MTHFD1L: variants seen among roughly 807,000 people sequenced by gnomAD.
MTHFD1L encodes the protein monofunctional C1-tetrahydrofolate synthase, mitochondrial.
MTHFD1L carries 81 observed loss-of-function variants against 119.5 expected under a neutral mutation model. That is an observed-to-expected ratio of 0.68 (90% CI 0.57 to 0.82). MTHFD1L has a LOEUF of 0.82. Among genes scored for constraint, MTHFD1L ranks in the 40% least tolerant of loss-of-function variants. MTHFD1L has a pLI of 0.00. For synonymous variants in MTHFD1L, 430 were observed against 475.2 expected, an observed-to-expected ratio of 0.90 and a Z score of 1.24; for missense variants, 1,125 against 1,253.4, an observed-to-expected ratio of 0.90 and a Z score of 1.55.
At position 150,926,212 on chromosome 6, in the gene MTHFD1L, T is replaced by G; in HGVS notation, c.1173T>G (p.Tyr391Ter). 1.2e-6 allele frequency: 2 copies of G among 1,614,104 alleles called. No homozygotes were observed. The highest frequency in any genetic ancestry group is 1.7e-6 in the Non-Finnish European group (2 of 1,180,012). Residue 391 changes from tyrosine to a stop codon, truncating the protein, a stop_gained, in exon 11 of 28, where the codon TAT becomes TAG. Transcript: ENST00000367321. LOFTEE classifies it high-confidence loss of function. This position sits in a 1 kb window ranked among gnomAD's most constrained non-coding sequence, Gnocchi z 4.3. ...TGCTTGCAGATGAAATTGAAATCTA[T>G]GGCAAAAGCAAAGCCAAAGTACGTT... ...IGLLADEIEI[Y>*]GKSKAKVRLS... is the part of the protein sequence containing the mutation.
chr6:151,014,793 G>A, intron 22 of MTHFD1L, 87 bp from the exon 23 acceptor site: 1 of 910,084 alleles, frequency 1.1e-6, no homozygotes. Flanking sequence ...AGCAAATCCT[G>A]CCAGAGAGGT....
At chr6:150,879,628 T>TG (rs964190134) in intron 4 of MTHFD1L, among the ~76,000 whole-genome samples, 3 of 146,768 alleles carry the variant, frequency 2.0e-5, no homozygotes, top group African/African-American at 7.6e-5. Context: ...ACTGGTGTTT[T>TG]TTTTTTTTTT....
chr6:150,903,974 C>T (rs891069251), intron 7 of MTHFD1L, among the ~76,000 whole-genome samples: 5 of 152,152 alleles, frequency 3.3e-5, no homozygotes, highest in Admixed American at 2.6e-4. Context: ...TTTTATCGTG[C>T]TCCTCCTCTG....
chr6:150,966,599 G>C (rs1384898099), intron 19 of MTHFD1L, among the ~76,000 whole-genome samples: 2 of 152,198 alleles, frequency 1.3e-5, no homozygotes, highest in Non-Finnish European at 2.9e-5. Flanking sequence ...AAGGCGGGCA[G>C]ATCCCTTGAG....
At chr6:151,011,426 A>G (rs976694308) in intron 21 of MTHFD1L, among the ~76,000 whole-genome samples, 13 of 152,144 alleles carry the variant, frequency 8.5e-5, no homozygotes, top group Admixed American at 3.3e-4. Flanking sequence ...GATCTCATTC[A>G]GTCTTTATAA....
At chr6:151,038,358 A>G (rs1381504083) in intron 26 of MTHFD1L, among the ~76,000 whole-genome samples, 1 of 152,074 alleles carries the variant, frequency 6.6e-6, no homozygotes, top group East Asian at 1.9e-4. Context: ...GCACCAAAGT[A>G]CTAATACATG....
chr6:150,893,788 C>T (rs1006388562), intron 7 of MTHFD1L, among the ~76,000 whole-genome samples: 6 of 152,168 alleles, frequency 3.9e-5, no homozygotes, highest in Non-Finnish European at 8.8e-5. Flanking sequence ...GTTTCCAGTC[C>T]GGCACAACAT....
At chr6:150,875,512 G>T (rs1780295954) in intron 1 of MTHFD1L, among the ~76,000 whole-genome samples, 1 of 152,064 alleles carries the variant, frequency 6.6e-6, no homozygotes, top group Non-Finnish European at 1.5e-5. Context: ...AGGAGGCTTT[G>T]ATAGTGTTAT....
At chr6:151,085,146 G>A (rs1793674230) in intron 26 of MTHFD1L, among the ~76,000 whole-genome samples, 1 of 151,304 alleles carries the variant, frequency 6.6e-6, no homozygotes, top group Admixed American at 6.6e-5. Context: ...GGTTACCTCT[G>A]GAAGCAGTAT....
intron 26 of MTHFD1L, among the ~76,000 whole-genome samples, chr6:151,060,083 A>G (rs1485165264): frequency 6.6e-6 from 1 of 152,232 alleles, no homozygotes; most frequent in Non-Finnish European, 1.5e-5. Flanking sequence ...TAACGTTTAC[A>G]TAGTAAATAA....
intron 11 of MTHFD1L, among the ~76,000 whole-genome samples, chr6:150,929,595 C>T (rs1199724007): frequency 6.6e-6 from 1 of 152,202 alleles, no homozygotes; most frequent in Non-Finnish European, 1.5e-5. Context: ...CAGCCTCATG[C>T]TGGAGAATGC....
At chr6:150,947,249 C>T (rs1045560758) in intron 15 of MTHFD1L, among the ~76,000 whole-genome samples, 1 of 150,622 alleles carries the variant, frequency 6.6e-6, no homozygotes, top group Non-Finnish European at 1.5e-5. Context: ...TGCCCACCAC[C>T]ATGCCAGCGA....
chr6:150,919,430 G>A (rs1245882367), intron 9 of MTHFD1L, among the ~76,000 whole-genome samples: 1 of 151,930 alleles, frequency 6.6e-6, no homozygotes, highest in African/African-American at 2.4e-5. Flanking sequence ...TCACCATGTC[G>A]GCCAGGCTGG....
At chr6:151,080,604 A>G (rs1170288751) in intron 26 of MTHFD1L, among the ~76,000 whole-genome samples, 1 of 152,234 alleles carries the variant, frequency 6.6e-6, no homozygotes, top group Admixed American at 6.5e-5. Flanking sequence ...GAAGAAAGGA[A>G]ATGTCCACAT....
chr6:150,888,010 TG>T (rs754177018), intron 7 of MTHFD1L, 29 bp downstream of exon 7: 2 of 1,577,612 alleles, frequency 1.3e-6, no homozygotes, highest in South Asian at 2.4e-5. Flanking sequence ...ACATACATCT[TG>T]AAGGCTTCTG....
chr6:150,896,837 G>A (rs1313481137), intron 7 of MTHFD1L, among the ~76,000 whole-genome samples: 3 of 152,036 alleles, frequency 2.0e-5, no homozygotes, highest in African/African-American at 7.2e-5. Flanking sequence ...TGGCGGGCGC[G>A]GTGGCTCACA....
intron 10 of MTHFD1L, among the ~76,000 whole-genome samples, chr6:150,925,039 A>G (rs1454650911): frequency 3.9e-5 from 6 of 152,076 alleles, no homozygotes. Context: ...AGGCCCCTAC[A>G]GGATCCTGGA....
intron 20 of MTHFD1L, among the ~76,000 whole-genome samples, chr6:150,999,026 C>A (rs1439912364): frequency 7.0e-6 from 1 of 143,186 alleles, no homozygotes; most frequent in East Asian, 2.0e-4. Flanking sequence ...ATAGTTTAGG[C>A]TATGTCTATA....
intron 11 of MTHFD1L, among the ~76,000 whole-genome samples, chr6:150,929,739 G>T (rs1365095574): frequency 1.3e-5 from 2 of 152,148 alleles, no homozygotes; most frequent in African/African-American, 2.4e-5. Context: ...AAATAGAAAA[G>T]AAGACTAAAG....
Sources: allele counts gnomAD v4.1 joint callset (sites outside exome capture counted in the v4.1 genomes callset), GRCh38; gene constraint gnomAD v4.1.1; non-coding constraint Gnocchi (gnomAD v3.1); transcripts MANE v1.5; gene names NCBI Gene and HGNC (gene_info 2026-07-23, HGNC 2026-07-21).